The following USP34 variants were observed in gnomAD, a reference collection of about 807,000 sequenced individuals.
USP34 encodes the protein ubiquitin specific peptidase 34, also known as ubiquitin carboxyl-terminal hydrolase 34.
In USP34, 70 loss-of-function variants were observed where a neutral mutation model predicts 460.3. The observed-to-expected ratio is 0.15, with a 90% CI of 0.13 to 0.19. USP34 has a LOEUF of 0.19. USP34 is among the 10% of genes least tolerant of loss of function. USP34 has a pLI of 1.00. For missense variants in USP34, 3,985 were observed against 4,236.2 expected (o/e 0.94, Z 1.65); for synonymous variants, 1,647 against 1,405.3 (o/e 1.17, Z -3.85).
intron 10 of USP34, among the ~76,000 whole-genome samples, chr2:61,356,810 CTT>C (rs1692122711): frequency 6.6e-6 from 1 of 152,090 alleles, no homozygotes; most frequent in Non-Finnish European, 1.5e-5. Context: ...TGCAAATAGA[CTT>C]AACATTAGTG....
chr2:61,284,795 T>C, intron 35 of USP34, 80 bp downstream of exon 35: 5 of 1,176,680 alleles, frequency 4.2e-6, no homozygotes, highest in South Asian at 3.7e-5. Flanking sequence ...CTATTAAGTT[T>C]AGAATTTTTC....
intron 1 of USP34, among the ~76,000 whole-genome samples, chr2:61,456,258 A>C (rs993028541): frequency 6.6e-6 from 1 of 152,166 alleles, no homozygotes; most frequent in African/African-American, 2.4e-5. Flanking sequence ...TCTTTTCCAG[A>C]AGCACACTCT....
rs775855973 is a variant in USP34 at position 61,235,847 on chromosome 2, C to G, written c.7030G>C (p.Glu2344Gln). 1.2e-6 allele frequency: 2 copies of G among 1,612,558 alleles called. No individual in the cohort carries two copies. Among genetic ancestry groups the G allele is most frequent in the Admixed American group, 1.7e-5 (1 of 59,764 alleles). The change falls in exon 57 of 80, where the codon GAG becomes CAG. Residue 2344 changes from glutamate to glutamine, a missense_variant and splice_region_variant. Glu to Gln is a conservative substitution (Grantham distance 29, BLOSUM62 2). Transcript: ENST00000398571. ...KQFNNSQAAC[E>Q]WFLDRMADDD... is the part of the protein sequence containing the mutation. ...TAGTTGTTGAATTATCACCTTACCT[C>G]ACAAGCTGCCTGACTATTATTAAAC...
chr2:61,348,668 ATG>A, intron 14 of USP34, 86 bp downstream of exon 14: 1 of 1,486,274 alleles, frequency 6.7e-7, no homozygotes, highest in South Asian at 1.4e-5. Context: ...AAGCCCAAAC[ATG>A]AATTATGTAT....
chr2:61,228,533 C>CA (rs1687795860), intron 61 of USP34, 112 bp downstream of exon 61: 1 of 831,428 alleles, frequency 1.2e-6, no homozygotes, highest in Non-Finnish European at 1.8e-6. Flanking sequence ...TATTATCTAA[C>CA]ACCAGGTTCC....
chr2:61,296,002 T>C (rs1174484972), intron 30 of USP34, among the ~76,000 whole-genome samples: 1 of 152,250 alleles, frequency 6.6e-6, no homozygotes, highest in African/African-American at 2.4e-5. Context: ...CTCATGCCTA[T>C]AATCCCAGCA....
intron 1 of USP34, among the ~76,000 whole-genome samples, chr2:61,467,784 G>C (rs1035502596): frequency 6.6e-6 from 1 of 151,508 alleles, no homozygotes; most frequent in Admixed American, 6.6e-5. Context: ...CACCACACCC[G>C]GCTAATTGGT....
Position 61,301,145 on chromosome 2 carries a change from A to G in USP34, c.3934T>C (p.Leu1312=). ...FKDMQMVFVS[L]GAPRRERKGE... ...TTCCGCTCTCTCCTTGGTGCACCCA[A>G]AGATACAAATACCATCTATAAAAAA... The change falls in exon 29 of 80, where the codon TTG becomes CTG. Residue 1312 remains leucine (L), a synonymous_variant. Coordinates refer to ENST00000398571, the MANE Select transcript of USP34 (RefSeq NM_014709.4). 1.2e-6 allele frequency: 2 copies of G among 1,604,272 alleles called. No individual in the cohort carries two copies. Among genetic ancestry groups the G allele is most frequent in the Non-Finnish European group, 1.7e-6 (2 of 1,177,282 alleles).
At chr2:61,248,381 G>A in intron 49 of USP34, 130 bp downstream of exon 49, 1 of 872,392 alleles carries the variant, frequency 1.1e-6, no homozygotes, top group Admixed American at 3.0e-5. Flanking sequence ...GCATGACATT[G>A]TCTTAACCTT....
rs1480917890 is a variant in USP34 at position 61,188,046 on chromosome 2, A to T, written c.*56T>A. The T allele has an allele frequency of 6.5e-7, 1 of 1,546,044 alleles. No individual in the cohort carries two copies. The highest frequency in any genetic ancestry group is 8.7e-7 in the Non-Finnish European group (1 of 1,150,142). The stretch of plus-strand genomic sequence containing the variant: ...AAAAACAAATAAGCAAAACTTATAC[A>T]AACAGCATGGGGGTTGGGGGTGAGG... On this transcript the variant is annotated 3_prime_UTR_variant, in exon 80 of 80. Coordinates refer to ENST00000398571, the MANE Select transcript of USP34 (RefSeq NM_014709.4).
chr2:61,467,032 G>A (rs747285970), intron 1 of USP34, among the ~76,000 whole-genome samples: 41 of 152,178 alleles, frequency 2.7e-4, no homozygotes, highest in East Asian at 9.6e-4. Flanking sequence ...TTGGCCAGGC[G>A]CGGTGGCTCA....
At chr2:61,465,563 C>T (rs138496973) in intron 1 of USP34, among the ~76,000 whole-genome samples, 140 of 152,280 alleles carry the variant, frequency 9.2e-4, no homozygotes, top group African/African-American at 3.3e-3. Flanking sequence ...AATTAACTGG[C>T]CAGGCATGGT....
intron 27 of USP34, among the ~76,000 whole-genome samples, chr2:61,307,208 C>T (rs953461989): frequency 6.6e-6 from 1 of 150,868 alleles, no homozygotes; most frequent in African/African-American, 2.4e-5. Context: ...AGCAAACTAT[C>T]ACAAGGACAA....
At chr2:61,394,180 T>C (rs1055293955) in intron 5 of USP34, among the ~76,000 whole-genome samples, 2 of 152,122 alleles carry the variant, frequency 1.3e-5, no homozygotes, top group Non-Finnish European at 2.9e-5. Flanking sequence ...GTGAAACTGA[T>C]ACTCACAGGA....
intron 28 of USP34, 28 bp downstream of exon 28, chr2:61,301,326 A>C (rs377729666): frequency 1.2e-6 from 2 of 1,606,686 alleles, no homozygotes; most frequent in South Asian, 1.1e-5. Flanking sequence ...CAGATCATTA[A>C]AACTCAAACC....
chr2:61,365,884 A>T (rs1340047102), intron 10 of USP34, among the ~76,000 whole-genome samples: 2 of 152,198 alleles, frequency 1.3e-5, no homozygotes, highest in African/African-American at 4.8e-5. Context: ...AAAGAAAATT[A>T]AAGTTCCCAT....
At chr2:61,329,729 G>A (rs924084724) in intron 20 of USP34, among the ~76,000 whole-genome samples, 5 of 152,066 alleles carry the variant, frequency 3.3e-5, no homozygotes, top group Non-Finnish European at 7.4e-5. Context: ...TTTTAACCAG[G>A]TAACTACAAT....
At chr2:61,461,866 T>A (rs1355939672) in intron 1 of USP34, among the ~76,000 whole-genome samples, 1 of 152,194 alleles carries the variant, frequency 6.6e-6, no homozygotes, top group Admixed American at 6.6e-5. Context: ...TAGAAAGATG[T>A]ACATTTGCGG....
At chr2:61,216,689 C>A (rs985342341) in intron 67 of USP34, among the ~76,000 whole-genome samples, 1 of 151,968 alleles carries the variant, frequency 6.6e-6, no homozygotes. Context: ...GAGGCCAAGG[C>A]GGGCAGATCA....
Sources: gnomAD v4.1 joint callset for allele counts (sites outside exome capture counted in the v4.1 genomes callset) on GRCh38, gnomAD v4.1.1 for gene constraint, MANE v1.5 for transcripts, NCBI Gene and HGNC (gene_info 2026-07-23, HGNC 2026-07-21) for gene names.